The following CELF6 variants were observed in gnomAD, a reference collection of about 807,000 sequenced individuals.
The protein encoded by CELF6 is CUGBP Elav-like family member 6.
CELF6 carries 32 observed loss-of-function variants against 53.1 expected under a neutral mutation model. That is an observed-to-expected ratio of 0.60 (90% CI 0.46 to 0.81). The LOEUF (loss-of-function observed/expected upper bound fraction) is 0.81. CELF6 is among the 30% of genes least tolerant of loss of function. The pLI is 0.00. For synonymous variants in CELF6, 291 were observed against 288.8 expected (o/e 1.01, Z -0.08); for missense variants, 539 against 669.5 (o/e 0.81, Z 2.15).
chr15:72,307,812 T>C (rs948647296), intron 2 of CELF6, among the ~76,000 whole-genome samples: 1 of 151,718 alleles, frequency 6.6e-6, no homozygotes, highest in Non-Finnish European at 1.5e-5. Flanking sequence ...GCTGAAGAGG[T>C]TGACTGAGGA....
intron 2 of CELF6, among the ~76,000 whole-genome samples, chr15:72,312,356 G>A (rs769239769): frequency 2.6e-5 from 4 of 152,224 alleles, no homozygotes; most frequent in African/African-American, 9.6e-5. Flanking sequence ...GCCAGGAGTG[G>A]TGGCTCACGC....
chr15:72,306,144 C>A lies in CELF6; in HGVS notation c.346-1350G>T, dbSNP rs543726960. 29 of 981,966 alleles carry A rather than the reference C, an allele frequency of 3.0e-5. No individual in the cohort carries two copies. In the African/African-American group the frequency reaches 4.9e-4, roughly 17 times the overall value. 60.8% of individuals were successfully genotyped at this position (981,966 alleles called of 1,614,324 possible). On this transcript the variant is annotated intron_variant, in intron 2 of 12. Coordinates refer to ENST00000287202, the MANE Select transcript of CELF6 (RefSeq NM_052840.5). ...CATGATTGAATCCCCATCTCACCTT[C>A]CTCTCATGGGTGTTGTGGGGATCAC...
At chr15:72,299,346 AG>A (rs1567280855) in intron 3 of CELF6, among the ~76,000 whole-genome samples, 2 of 151,332 alleles carry the variant, frequency 1.3e-5, no homozygotes, top group Non-Finnish European at 2.9e-5. Context: ...CTGAGGGAAA[AG>A]GTTTTTTGTT....
rs200615584 is a variant in CELF6, at chr15:72,289,437, G to A, written c.818C>T (p.Ala273Val). The change falls in exon 7 of 13, where the codon GCG (alanine) becomes GTG (valine). Residue 273 changes from alanine (A) to valine (V), a missense_variant. This residue lies in a region of CELF6 where 358 missense variants were observed against 412.8 expected (regional missense o/e 0.87). Coordinates refer to ENST00000287202, the MANE Select transcript of CELF6 (RefSeq NM_052840.5). This position sits in a 1 kb window ranked among gnomAD's most constrained non-coding sequence, Gnocchi z 7.6. ...GGCCGCCACGTGTTGCATCTGGGCC[G>A]CCACTGCCGCCACCGGGCCTAGGCC... is the stretch of plus-strand genomic sequence containing the variant. ...GPGLGPVAAV[A>V]AQMQHVAAFS... is the part of the protein sequence containing the mutation. 6.5e-7 allele frequency: 1 copy of A among 1,544,406 alleles called. No homozygotes were observed. Among genetic ancestry groups the A allele is most frequent in the Non-Finnish European group, 8.7e-7 (1 of 1,152,260 alleles).
At chr15:72,316,863 C>T (rs953282706) in intron 1 of CELF6, among the ~76,000 whole-genome samples, 2 of 152,274 alleles carry the variant, frequency 1.3e-5, no homozygotes, top group Middle Eastern at 3.4e-3. Context: ...CACACATTCC[C>T]TGCCCTCATG....
intron 3 of CELF6, among the ~76,000 whole-genome samples, chr15:72,294,960 AGAGT>A (rs568323457): frequency 4.5e-5 from 6 of 134,416 alleles, no homozygotes; most frequent in African/African-American, 1.7e-4. Flanking sequence ...CCTGGGAGAC[AGAGT>A]GAGACTGTGT....
chr15:72,289,968 G>T lies in CELF6; in HGVS notation c.574C>A (p.Arg192=). The T allele has an allele frequency of 6.3e-7, 1 of 1,582,916 alleles. No individual in the cohort carries two copies. The change falls in exon 5 of 13, where the codon CGG becomes AGG. Residue 192 remains arginine (R), a synonymous_variant. Transcript: ENST00000287202. This position sits in a 1 kb window ranked among gnomAD's most constrained non-coding sequence, Gnocchi z 7.6. Reference sequence around the variant, plus strand: ...ATGGTCCGGCTGCCGTGCAGACCCCGGATGGCCGCCTGAGCTTCCCCTTGA... The same window carrying T: ...ATGGTCCGGCTGCCGTGCAGACCCCTGATGGCCGCCTGAGCTTCCCCTTGA... ...GSQGEAQAAI[R]GLHGSRTMAG...
chr15:72,292,396 TG>T, intron 3 of CELF6: 1 of 649,920 alleles, frequency 1.5e-6, no homozygotes, highest in South Asian at 2.1e-5. Flanking sequence ...TAAGTTATTC[TG>T]GGCTGCAGAA....
chr15:72,291,566 G>A (rs955684474), intron 3 of CELF6, among the ~76,000 whole-genome samples: 31 of 152,146 alleles, frequency 2.0e-4, no homozygotes, highest in Non-Finnish European at 4.0e-4. Context: ...CAAGGCTAGT[G>A]GGGGGTCATA....
At chr15:72,317,588 C>T (rs28663089) in intron 1 of CELF6, among the ~76,000 whole-genome samples, 3,613 of 152,188 alleles carry the variant, frequency 0.024, 84 homozygotes, top group African/African-American at 0.059. Flanking sequence ...CTGCCTGCCT[C>T]GGTACCCAGA....
intron 3 of CELF6, among the ~76,000 whole-genome samples, chr15:72,303,338 G>C (rs1395864525): frequency 6.6e-6 from 1 of 152,232 alleles, no homozygotes; most frequent in Non-Finnish European, 1.5e-5. Context: ...GATGGAGGAG[G>C]AAACTTGGAA....
intron 2 of CELF6, among the ~76,000 whole-genome samples, chr15:72,305,454 G>C (rs987644143): frequency 6.6e-6 from 1 of 152,110 alleles, no homozygotes; most frequent in Non-Finnish European, 1.5e-5. Flanking sequence ...TGATTCACCC[G>C]CCTCAGCCTC....
intron 2 of CELF6, among the ~76,000 whole-genome samples, chr15:72,311,934 C>A (rs1252126876): frequency 6.6e-6 from 1 of 152,222 alleles, no homozygotes; most frequent in Non-Finnish European, 1.5e-5. Flanking sequence ...CCTCTCTACC[C>A]AAGCTGTTTT....
chr15:72,302,162 T>C (rs1230551325), intron 3 of CELF6, among the ~76,000 whole-genome samples: 1 of 152,214 alleles, frequency 6.6e-6, no homozygotes, highest in Non-Finnish European at 1.5e-5. Context: ...CTAACACAGA[T>C]CTGTTAGTAT....
At chr15:72,296,178 A>G (rs896445914) in intron 3 of CELF6, among the ~76,000 whole-genome samples, 25 of 152,190 alleles carry the variant, frequency 1.6e-4, no homozygotes, top group African/African-American at 6.0e-4. Context: ...GATATCTACA[A>G]AAGAATGAAG....
At chr15:72,297,980 A>G (rs145427749) in intron 3 of CELF6, among the ~76,000 whole-genome samples, 5 of 152,338 alleles carry the variant, frequency 3.3e-5, no homozygotes, top group African/African-American at 1.2e-4. Context: ...GAAAGGGTCA[A>G]GTAGTACAGG....
intron 2 of CELF6, among the ~76,000 whole-genome samples, chr15:72,312,264 G>A (rs1443406702): frequency 6.6e-6 from 1 of 152,176 alleles, no homozygotes; most frequent in Non-Finnish European, 1.5e-5. Context: ...AGCTTTCATA[G>A]GGGACAGAAA....
At chr15:72,305,041 C>T (rs532737011) in intron 2 of CELF6, among the ~76,000 whole-genome samples, 10 of 152,120 alleles carry the variant, frequency 6.6e-5, no homozygotes, top group East Asian at 3.9e-4. Flanking sequence ...TGGAATGAAG[C>T]GGCTAAAGAG....
chr15:72,304,365 G>C (rs566679797), intron 3 of CELF6, among the ~76,000 whole-genome samples: 37 of 152,276 alleles, frequency 2.4e-4, no homozygotes, highest in African/African-American at 8.9e-4. Context: ...TGTGTTTTCT[G>C]ATATCAGAAG....
Sources: gnomAD v4.1 joint callset for allele counts (sites outside exome capture counted in the v4.1 genomes callset) on GRCh38, gnomAD v4.1.1 for gene constraint, gnomAD v4.1.1 regional missense constraint, Gnocchi (gnomAD v3.1) non-coding constraint, MANE v1.5 for transcripts, NCBI Gene and HGNC (gene_info 2026-07-23, HGNC 2026-07-21) for gene names.